Variants in RAPGEF5 observed in about 807,000 individuals in gnomAD.
The protein encoded by RAPGEF5 is M-Ras-regulated GEF.
Under a neutral mutation model 125.2 loss-of-function variants are expected in RAPGEF5, and 65 were observed. The ratio of observed to expected loss-of-function variants is 0.52; its 90% confidence interval spans 0.43 to 0.64. RAPGEF5 has a LOEUF of 0.64. Ranked by LOEUF, RAPGEF5 falls within the 30% of genes least tolerant of loss-of-function variation. The pLI is 0.00. For synonymous variants in RAPGEF5, 391 were observed against 385.9 expected (o/e 1.01, Z -0.16); for missense variants, 958 against 1,048.1 (o/e 0.91, Z 1.19).
intron 19 of RAPGEF5, among the ~76,000 whole-genome samples, chr7:22,145,881 G>A (rs974724590): frequency 1.3e-5 from 2 of 152,158 alleles, no homozygotes; most frequent in African/African-American, 2.4e-5. Context: ...GATAATTTAC[G>A]AAATCAAACA....
intron 5 of RAPGEF5, among the ~76,000 whole-genome samples, chr7:22,297,895 T>A (rs1357443959): frequency 6.6e-6 from 1 of 152,202 alleles, no homozygotes; most frequent in Non-Finnish European, 1.5e-5. Flanking sequence ...GGGTTTTGTA[T>A]AAAGTCTTAT....
In RAPGEF5 at chr7:22,221,476, C is replaced by A. The variant is rs888436258; in HGVS notation, c.871-1485G>T. Among the ~76,000 whole-genome samples, 9 of 152,246 alleles carry A rather than the reference C, an allele frequency of 5.9e-5. No individual in the cohort carries two copies. The Middle Eastern group carries it at 0.01, about 173-fold the overall frequency. On this transcript the variant is annotated intron_variant, in intron 8 of 25. Coordinates refer to ENST00000665637, the MANE Select transcript of RAPGEF5 (RefSeq NM_012294.5). The stretch of plus-strand genomic sequence containing the variant: ...ATTTTAATATTCTCCAGATATATAT[C>A]TGATATGGTTTTGCAGAGTCGCCAC...
At chr7:22,188,438 C>T (rs868488309) in intron 11 of RAPGEF5, among the ~76,000 whole-genome samples, 1 of 152,078 alleles carries the variant, frequency 6.6e-6, no homozygotes, top group African/African-American at 2.4e-5. Context: ...GGTGCCTGCC[C>T]TCACTTTACT....
At chr7:22,141,284 C>A (rs573851943) in intron 20 of RAPGEF5, among the ~76,000 whole-genome samples, 1 of 152,324 alleles carries the variant, frequency 6.6e-6, no homozygotes, top group Non-Finnish European at 1.5e-5. Context: ...TTTCCCATTA[C>A]ATTGGACTTC....
intron 8 of RAPGEF5, among the ~76,000 whole-genome samples, chr7:22,228,935 T>G (rs951474859): frequency 2.0e-5 from 3 of 152,136 alleles, no homozygotes; most frequent in African/African-American, 7.2e-5. Flanking sequence ...GTGCCGGGAT[T>G]GCCAGGAGTG....
At chr7:22,258,386 C>T (rs556651271) in intron 7 of RAPGEF5, among the ~76,000 whole-genome samples, 6 of 151,898 alleles carry the variant, frequency 4.0e-5, no homozygotes, top group Admixed American at 6.6e-5. Flanking sequence ...TTTGGGAGGC[C>T]GAGGCAGGCA....
chr7:22,241,090 C>T (rs1786319560), intron 7 of RAPGEF5, among the ~76,000 whole-genome samples: 1 of 152,234 alleles, frequency 6.6e-6, no homozygotes, highest in Admixed American at 6.5e-5. Flanking sequence ...TTGCTTTTCA[C>T]AGCTACTTGA....
chr7:22,156,945 C>T, intron 15 of RAPGEF5, 57 bp from the exon 16 acceptor site: 3 of 1,603,904 alleles, frequency 1.9e-6, no homozygotes, highest in Non-Finnish European at 2.6e-6. Context: ...TTTGGAAAAC[C>T]ATAGCTGTTT....
At chr7:22,193,021 C>CCCT in intron 11 of RAPGEF5, 1 of 323,996 alleles carries the variant, frequency 3.1e-6, no homozygotes. Context: ...CGCCTGCTAA[C>CCCT]CCTCCTCCTC....
chr7:22,133,131 G>T (rs1782966572), intron 23 of RAPGEF5, among the ~76,000 whole-genome samples: 1 of 152,200 alleles, frequency 6.6e-6, no homozygotes, highest in African/African-American at 2.4e-5. Context: ...CCTCTTCCTA[G>T]GTAGTCCCTC....
In RAPGEF5 at chr7:22,177,128, G is replaced by A. The variant is rs1049903693; in HGVS notation, c.1205-9980C>T. Reference sequence around the variant, plus strand: ...ATTTACTGAACTTCTGTGACTAAGGGATGACAACTGTGCCCTCTGCCATGG... The same window carrying A: ...ATTTACTGAACTTCTGTGACTAAGGAATGACAACTGTGCCCTCTGCCATGG... On this transcript the variant is annotated intron_variant, in intron 11 of 25. Coordinates refer to ENST00000665637, the MANE Select transcript of RAPGEF5 (RefSeq NM_012294.5). Among the ~76,000 whole-genome samples the A allele has an allele frequency of 1.6e-4, 24 of 152,168 alleles. 1 individual carries two copies. The highest frequency in any genetic ancestry group is 1.4e-3 in the Admixed American group (22 of 15,276).
chr7:22,217,316 T>C (rs1275634084), intron 9 of RAPGEF5, among the ~76,000 whole-genome samples: 1 of 152,192 alleles, frequency 6.6e-6, no homozygotes, highest in African/African-American at 2.4e-5. Context: ...GTCCATGCTG[T>C]GTGTCAGAAC....
At chr7:22,167,266 T>G (rs1273944493) in intron 11 of RAPGEF5, 118 bp from the exon 12 acceptor site, 1 of 714,838 alleles carries the variant, frequency 1.4e-6, no homozygotes, top group African/African-American at 1.8e-5. Flanking sequence ...TTGATAGCTG[T>G]GGGAGGGATT....
At chr7:22,206,113 G>T (rs1785391147) in intron 9 of RAPGEF5, among the ~76,000 whole-genome samples, 1 of 152,094 alleles carries the variant, frequency 6.6e-6, no homozygotes. Context: ...TGGGGGGAAG[G>T]GTGTCTTCAA....
intron 6 of RAPGEF5, among the ~76,000 whole-genome samples, chr7:22,270,149 A>G (rs182628116): frequency 6.6e-6 from 1 of 152,220 alleles, no homozygotes; most frequent in African/African-American, 2.4e-5. Flanking sequence ...CGAACAATGA[A>G]TGTTAATTAC....
chr7:22,331,905 G>A (rs1237074351), intron 1 of RAPGEF5, among the ~76,000 whole-genome samples: 2 of 152,110 alleles, frequency 1.3e-5, no homozygotes, highest in South Asian at 4.1e-4. Flanking sequence ...TCATGACTTA[G>A]AGGAAACTTG....
chr7:22,319,440 T>A (rs556447540), intron 1 of RAPGEF5, among the ~76,000 whole-genome samples: 72 of 152,328 alleles, frequency 4.7e-4, no homozygotes, highest in Admixed American at 1.4e-3. Flanking sequence ...TAAAATAAAA[T>A]GTATCAACTC....
intron 7 of RAPGEF5, among the ~76,000 whole-genome samples, chr7:22,237,827 G>A (rs1419765): frequency 0.15 from 22,477 of 152,118 alleles, 2,268 homozygotes; most frequent in African/African-American, 0.29. Context: ...GAACACAGAG[G>A]TACTAAGTAA....
chr7:22,146,978 C>T lies in RAPGEF5; in HGVS notation c.1926G>A (p.Met642Ile). 6.2e-7 allele frequency: 1 copy of T among 1,613,690 alleles called. No homozygotes were observed. The highest frequency in any genetic ancestry group is 8.5e-7 in the Non-Finnish European group (1 of 1,179,776). Residue 642 changes from methionine (M) to isoleucine (I), a missense_variant, in exon 19 of 26, where the codon ATG (methionine) becomes ATA (isoleucine). Transcript: ENST00000665637. ...AENEESQQRS[M>I]RILGMNTWDL... ...CCCAAGTGTTCATTCCCAAAATCCT[C>T]ATCGACCTTTGCTGTGATTCCTCAT...
Sources: allele counts gnomAD v4.1 joint callset (sites outside exome capture counted in the v4.1 genomes callset), GRCh38; gene constraint gnomAD v4.1.1; transcripts MANE v1.5; gene names NCBI Gene and HGNC (gene_info 2026-07-23, HGNC 2026-07-21).